The following CAMK1D variants were observed in gnomAD, a reference collection of about 807,000 sequenced individuals.
The protein encoded by CAMK1D is calcium/calmodulin-dependent protein kinase type 1D.
A neutral mutation model predicts 47.7 loss-of-function variants in CAMK1D; 9 were observed. The observed-to-expected ratio is 0.19, with a 90% CI of 0.11 to 0.33. CAMK1D has a LOEUF of 0.33. Ranked by LOEUF, CAMK1D falls within the 10% of genes least tolerant of loss-of-function variation. The pLI is 1.00. For synonymous variants in CAMK1D, 184 were observed against 184.9 expected (o/e 0.99, Z 0.04); for missense variants, 291 against 488.7 (o/e 0.60, Z 3.81).
At chr10:12,349,975 G>C in intron 1 of CAMK1D, 65 bp downstream of exon 1, 1 of 839,012 alleles carries the variant, frequency 1.2e-6, no homozygotes, top group East Asian at 4.4e-5. Flanking sequence ...GGCAGCTCCA[G>C]CTGCCGCCGC....
intron 1 of CAMK1D, among the ~76,000 whole-genome samples, chr10:12,391,976 A>AACACACACACACACAC (rs10659393): frequency 1.0e-4 from 15 of 143,252 alleles, no homozygotes; most frequent in East Asian, 8.3e-4. Flanking sequence ...CTTGTCTTAA[A>AACACACACACACACAC]ACACACACAC....
intron 3 of CAMK1D, among the ~76,000 whole-genome samples, chr10:12,701,433 C>T (rs573091629): frequency 3.7e-4 from 56 of 152,312 alleles, no homozygotes; most frequent in Non-Finnish European, 7.3e-4. Context: ...GTTTTAAGTA[C>T]ACCCCTGAAC....
chr10:12,643,883 C>CA (rs757215270), intron 2 of CAMK1D, among the ~76,000 whole-genome samples: 6,060 of 114,062 alleles, frequency 0.053, 378 homozygotes, highest in African/African-American at 0.16. Context: ...GACTCTGACT[C>CA]AAAAAAAAAA....
At chr10:12,578,786 G>A (rs1315849691) in intron 2 of CAMK1D, 2 of 154,186 alleles carry the variant, frequency 1.3e-5, no homozygotes, top group African/African-American at 2.4e-5. Context: ...GGGCCACCCA[G>A]GGAGTAAGTA....
chr10:12,508,801 C>T lies in CAMK1D; in HGVS notation c.93-44424C>T, dbSNP rs570128242. ...GAGAGGGCTTGGGGGACCCACTTGA[C>T]TTATTTTTTGCACTTAAGCTGAAAG... is the stretch of plus-strand genomic sequence containing the variant. On this transcript the variant is annotated intron_variant, in intron 1 of 10. Transcript: ENST00000619168. Among the ~76,000 whole-genome samples the T allele has an allele frequency of 3.9e-5, 6 of 152,278 alleles. No homozygotes were observed. The South Asian group carries it at 1.2e-3, about 32-fold the overall frequency.
At chr10:12,588,881 T>TGTGTGC (rs768588126) in intron 2 of CAMK1D, among the ~76,000 whole-genome samples, 1 of 139,474 alleles carries the variant, frequency 7.2e-6, no homozygotes, top group African/African-American at 3.3e-5. Context: ...TGTGTGTGTG[T>TGTGTGC]GTGCGTGCGT....
At chr10:12,693,039 G>A (rs1054570104) in intron 3 of CAMK1D, among the ~76,000 whole-genome samples, 4 of 152,012 alleles carry the variant, frequency 2.6e-5, no homozygotes, top group Non-Finnish European at 5.9e-5. Context: ...CTATAATGTG[G>A]GTGGGCCTAA....
chr10:12,795,414 C>A (rs994686993), intron 6 of CAMK1D, among the ~76,000 whole-genome samples: 1 of 152,160 alleles, frequency 6.6e-6, no homozygotes, highest in Non-Finnish European at 1.5e-5. Flanking sequence ...CCATTCCCAC[C>A]TAAAGACTTA....
intron 2 of CAMK1D, among the ~76,000 whole-genome samples, chr10:12,594,794 GT>G (rs1298863811): frequency 6.6e-6 from 1 of 152,140 alleles, no homozygotes; most frequent in Non-Finnish European, 1.5e-5. Context: ...TGAACGTGTG[GT>G]TCTCATCTGC....
chr10:12,652,456 C>T (rs1464171734), intron 2 of CAMK1D, among the ~76,000 whole-genome samples: 2 of 147,672 alleles, frequency 1.4e-5, no homozygotes, highest in Admixed American at 6.8e-5. Flanking sequence ...GGCGTGGTGG[C>T]GGGCGCCTGT....
chr10:12,577,403 G>T (rs1054506784), intron 2 of CAMK1D, among the ~76,000 whole-genome samples: 11 of 152,280 alleles, frequency 7.2e-5, no homozygotes, highest in Admixed American at 5.2e-4. Context: ...CCCAGTTCTG[G>T]ATTCAGATCG....
At chr10:12,714,761 TACACACACAC>T (rs55827922) in intron 3 of CAMK1D, among the ~76,000 whole-genome samples, 2,446 of 130,558 alleles carry the variant, frequency 0.019, 63 homozygotes, top group African/African-American at 0.065. Flanking sequence ...TACATTAAAT[TACACACACAC>T]ACACACACAC....
intron 1 of CAMK1D, among the ~76,000 whole-genome samples, chr10:12,360,467 A>G (rs7909593): frequency 6.6e-6 from 1 of 152,100 alleles, no homozygotes; most frequent in African/African-American, 2.4e-5. Context: ...CCTGCCCCCA[A>G]ATATCCTCCC....
At chr10:12,393,110 C>T (rs1838802914) in intron 1 of CAMK1D, among the ~76,000 whole-genome samples, 1 of 151,824 alleles carries the variant, frequency 6.6e-6, no homozygotes, top group Non-Finnish European at 1.5e-5. Flanking sequence ...CTGCTCACTC[C>T]AAGCTCCGCC....
intron 2 of CAMK1D, among the ~76,000 whole-genome samples, chr10:12,585,585 C>T (rs559928273): frequency 1.3e-5 from 2 of 152,338 alleles, no homozygotes; most frequent in South Asian, 2.1e-4. Flanking sequence ...GTGAATGGCA[C>T]ATCTTACATG....
chr10:12,617,891 A>C (rs1461965030), intron 2 of CAMK1D, among the ~76,000 whole-genome samples: 4 of 152,254 alleles, frequency 2.6e-5, no homozygotes, highest in Non-Finnish European at 5.9e-5. Context: ...TATGCTCTTC[A>C]GACCATTAAT....
chr10:12,480,352 TG>T (rs1198970636), intron 1 of CAMK1D, among the ~76,000 whole-genome samples: 1 of 151,658 alleles, frequency 6.6e-6, no homozygotes, highest in Admixed American at 6.6e-5. Flanking sequence ...GGAGAATCAC[TG>T]GAACCCGGGA....
At chr10:12,679,443 A>T (rs539939737) in intron 3 of CAMK1D, among the ~76,000 whole-genome samples, 1 of 152,338 alleles carries the variant, frequency 6.6e-6, no homozygotes, top group Non-Finnish European at 1.5e-5. Flanking sequence ...ATCACCATGG[A>T]CTTCATTGCT....
chr10:12,798,454 A>G (rs941297017), intron 6 of CAMK1D, among the ~76,000 whole-genome samples: 6 of 152,164 alleles, frequency 3.9e-5, no homozygotes, highest in African/African-American at 9.7e-5. Flanking sequence ...GCTGCCTGAA[A>G]TGGGAGGGAG....
Sources: allele counts gnomAD v4.1 joint callset (sites outside exome capture counted in the v4.1 genomes callset), GRCh38; gene constraint gnomAD v4.1.1; transcripts MANE v1.5; gene names NCBI Gene and HGNC (gene_info 2026-07-23, HGNC 2026-07-21).